Variants in SHLD1 observed in about 807,000 individuals in gnomAD.
SHLD1 encodes the protein shieldin complex subunit 1, also known as RINN1-REV7-interacting novel NHEJ regulator 3.
Under a neutral mutation model 5.5 loss-of-function variants are expected in SHLD1, and 3 were observed. That is an observed-to-expected ratio of 0.54 (90% CI 0.25 to 1.40). The LOEUF (loss-of-function observed/expected upper bound fraction) is 1.40. Ranked by LOEUF, SHLD1 falls within the 40% of genes most tolerant of loss-of-function variation. The pLI, the probability that SHLD1 is intolerant of heterozygous loss-of-function variation, is 0.15. For missense variants in SHLD1, 210 were observed against 244.4 expected (o/e 0.86, Z 0.94); for synonymous variants, 92 against 94.3 (o/e 0.98, Z 0.14).
intron 2 of SHLD1, among the ~76,000 whole-genome samples, chr20:5,801,222 C>T (rs1003275514): frequency 1.3e-5 from 2 of 152,080 alleles, no homozygotes; most frequent in Admixed American, 6.6e-5. Flanking sequence ...GGATTACAGG[C>T]GTGTGCCACC....
intron 2 of SHLD1, among the ~76,000 whole-genome samples, chr20:5,839,817 C>T (rs2087835982): frequency 6.6e-6 from 1 of 152,170 alleles, no homozygotes; most frequent in Non-Finnish European, 1.5e-5. Flanking sequence ...TGCCATGGAA[C>T]TAATGTGAGG....
At chr20:5,773,521 T>TC (rs1188066272) in intron 2 of SHLD1, 1 of 220,352 alleles carries the variant, frequency 4.5e-6, no homozygotes, top group East Asian at 1.1e-4. Context: ...TGCCGAAACA[T>TC]CTATTATTTA....
chr20:5,851,066 T>C (rs2088002571), intron 2 of SHLD1, among the ~76,000 whole-genome samples: 1 of 152,078 alleles, frequency 6.6e-6, no homozygotes, highest in Non-Finnish European at 1.5e-5. Context: ...TCTCTAACAG[T>C]GGGGGACATT....
chr20:5,762,382 C>G (rs1343070794), intron 1 of SHLD1, among the ~76,000 whole-genome samples: 1 of 152,158 alleles, frequency 6.6e-6, no homozygotes, highest in Non-Finnish European at 1.5e-5. Flanking sequence ...TAAGTCACTT[C>G]TAAACTCACC....
intron 1 of SHLD1, among the ~76,000 whole-genome samples, chr20:5,752,435 T>C (rs1983809734): frequency 6.6e-6 from 1 of 150,780 alleles, no homozygotes; most frequent in South Asian, 2.1e-4. Context: ...AGATGGTAAA[T>C]GTCTCTTTTT....
intron 2 of SHLD1, among the ~76,000 whole-genome samples, chr20:5,808,036 C>G (rs905611594): frequency 6.6e-6 from 1 of 152,090 alleles, no homozygotes; most frequent in Non-Finnish European, 1.5e-5. Flanking sequence ...AATCCCAGCC[C>G]TTTGGGAGGC....
intron 1 of SHLD1, 34 bp downstream of exon 1, chr20:5,750,513 T>TGGG (rs1983680237): frequency 4.3e-5 from 1 of 23,286 alleles, no homozygotes; most frequent in Non-Finnish European, 7.7e-5. Context: ...GGGGTTGGAG[T>TGGG]GGTGGGGGCG....
At chr20:5,837,515 C>T (rs569214148) in intron 2 of SHLD1, among the ~76,000 whole-genome samples, 1 of 151,734 alleles carries the variant, frequency 6.6e-6, no homozygotes, top group East Asian at 1.9e-4. Context: ...CCTCCATGTG[C>T]CCATGTGTTC....
intron 1 of SHLD1, chr20:5,772,242 A>C (rs1297566557): frequency 9.0e-6 from 4 of 444,828 alleles, no homozygotes; most frequent in Non-Finnish European, 1.4e-5. Flanking sequence ...ACTTGCTGGC[A>C]TCACTACTCT....
intron 2 of SHLD1, among the ~76,000 whole-genome samples, chr20:5,860,011 A>G (rs962518784): frequency 6.6e-6 from 1 of 152,302 alleles, no homozygotes; most frequent in East Asian, 1.9e-4. Context: ...TTGTACGTGG[A>G]CAGTTTTGAG....
intron 2 of SHLD1, among the ~76,000 whole-genome samples, chr20:5,860,296 C>T (rs1465010861): frequency 6.6e-6 from 1 of 152,122 alleles, no homozygotes; most frequent in Non-Finnish European, 1.5e-5. Flanking sequence ...TTAAAGTAGG[C>T]CAGCAAAGGA....
chr20:5,839,519 AGATAGAT>A (rs2087831716), intron 2 of SHLD1, among the ~76,000 whole-genome samples: 1 of 144,318 alleles, frequency 6.9e-6, no homozygotes, highest in Non-Finnish European at 1.5e-5. Context: ...ATAGATAGAT[AGATAGAT>A]GATAGATAGA....
intron 1 of SHLD1, among the ~76,000 whole-genome samples, chr20:5,751,028 G>T (rs1465715498): frequency 6.6e-6 from 1 of 152,008 alleles, no homozygotes; most frequent in Admixed American, 6.6e-5. Flanking sequence ...AACATTAAGG[G>T]TTTTTTTGTT....
chr20:5,808,040 G>A (rs776401925), intron 2 of SHLD1, among the ~76,000 whole-genome samples: 14 of 152,168 alleles, frequency 9.2e-5, no homozygotes, highest in Non-Finnish European at 1.0e-4. Context: ...CCAGCCCTTT[G>A]GGAGGCCAGG....
chr20:5,850,515 T>TC, intron 2 of SHLD1, among the ~76,000 whole-genome samples: 1 of 150,686 alleles, frequency 6.6e-6, no homozygotes, highest in Non-Finnish European at 1.5e-5. Flanking sequence ...GTTTTAATTT[T>TC]TTTTTTTTTT....
intron 2 of SHLD1, among the ~76,000 whole-genome samples, chr20:5,832,853 A>G (rs931371976): frequency 9.2e-5 from 14 of 151,896 alleles, no homozygotes; most frequent in African/African-American, 2.7e-4. Flanking sequence ...ATAAATGGGG[A>G]AAAAAGCAGG....
intron 2 of SHLD1, among the ~76,000 whole-genome samples, chr20:5,790,939 G>C (rs1202761689): frequency 6.6e-6 from 1 of 151,794 alleles, no homozygotes; most frequent in Non-Finnish European, 1.5e-5. Context: ...GAGGCAGGTG[G>C]ATCACTTGAG....
chr20:5,790,100 G>C (rs1316154372), intron 2 of SHLD1, among the ~76,000 whole-genome samples: 1 of 152,194 alleles, frequency 6.6e-6, no homozygotes, highest in Admixed American at 6.5e-5. Context: ...GGCCTGGGAA[G>C]CCTCTTTGTT....
chr20:5,757,306 G>C (rs569468127), intron 1 of SHLD1, among the ~76,000 whole-genome samples: 1 of 151,608 alleles, frequency 6.6e-6, no homozygotes, highest in South Asian at 2.1e-4. Flanking sequence ...CGAATTCCTG[G>C]CCTCAAGCAG....
Sources: gnomAD v4.1 joint callset for allele counts (sites outside exome capture counted in the v4.1 genomes callset) on GRCh38, gnomAD v4.1.1 for gene constraint, MANE v1.5 for transcripts, NCBI Gene and HGNC (gene_info 2026-07-23, HGNC 2026-07-21) for gene names.